Variants in COPG1 observed in about 807,000 individuals in gnomAD.
COPG1 encodes the protein coatomer subunit gamma-1.
In COPG1, 29 loss-of-function variants were observed where a neutral mutation model predicts 102.8. The observed-to-expected ratio is 0.28, with a 90% confidence interval of 0.21 to 0.38. The LOEUF is 0.38. COPG1 is among the 10% of genes least tolerant of loss of function. The pLI is 1.00. For missense variants in COPG1, 875 were observed against 1,132.7 expected, an observed-to-expected ratio of 0.77 and a Z score of 3.27; for synonymous variants, 406 against 421.6, an observed-to-expected ratio of 0.96 and a Z score of 0.45.
At chr3:129,252,756 C>G (rs1939726237) in intron 4 of COPG1, 62 bp downstream of exon 4, 1 of 1,560,744 alleles carries the variant, frequency 6.4e-7, no homozygotes. Context: ...GTGGGAGGGC[C>G]AAAGAGAGCT....
chr3:129,277,564 C>A lies in COPG1; in HGVS notation c.*140C>A. The A allele has an allele frequency of 2.5e-6, 2 of 789,144 alleles. No individual in the cohort carries two copies. The highest frequency in any genetic ancestry group is 3.8e-6 in the Non-Finnish European group (2 of 526,002). The allele number at this position is 789,144 out of a possible 1,614,324, so 48.9% of individuals were successfully genotyped here. ...GAATCATTGCAGATTTTTTTTTATT[C>A]TGCTCCCACCTCCCACCCGGGACTA... On this transcript the variant is annotated 3_prime_UTR_variant, in exon 24 of 24. Transcript: ENST00000314797.
Position 129,277,438 on chromosome 3 carries a change from A to G in COPG1, c.*14A>G. On this transcript the variant is annotated 3_prime_UTR_variant, in exon 24 of 24. Transcript: ENST00000314797. ...TCTGTGGGATAAGAGGCCAGCCTGC[A>G]TAGGACCTCATACCCTTCCCCAACA... 6.2e-7 allele frequency: 1 copy of G among 1,612,908 alleles called. No homozygotes were observed. The highest frequency in any genetic ancestry group is 8.5e-7 in the Non-Finnish European group (1 of 1,179,364).
intron 13 of COPG1, 71 bp from the exon 14 acceptor site, chr3:129,265,478 G>C (rs767780287): frequency 5.9e-5 from 92 of 1,557,174 alleles, no homozygotes; most frequent in Non-Finnish European, 7.6e-5. Flanking sequence ...AACTGTCCTT[G>C]GTCCAGCTCA....
At chr3:129,259,116 C>T (rs1334866146) in intron 10 of COPG1, among the ~76,000 whole-genome samples, 2 of 152,104 alleles carry the variant, frequency 1.3e-5, no homozygotes, top group African/African-American at 4.8e-5. Flanking sequence ...GTCAGGCAAA[C>T]AGATGGAGTT....
chr3:129,266,199 T>C (rs1005598493), intron 14 of COPG1, among the ~76,000 whole-genome samples: 1 of 152,160 alleles, frequency 6.6e-6, no homozygotes, highest in Admixed American at 6.5e-5. Flanking sequence ...CTCGATCTCT[T>C]GACCTCATCA....
intron 10 of COPG1, chr3:129,260,087 C>G (rs1399959852): frequency 9.0e-6 from 5 of 557,940 alleles, no homozygotes; most frequent in Non-Finnish European, 1.6e-5. Flanking sequence ...AGCACAGCAC[C>G]TGGCACACAG....
intron 15 of COPG1, 44 bp downstream of exon 15, chr3:129,267,143 G>A: frequency 6.8e-7 from 1 of 1,466,284 alleles, no homozygotes; most frequent in Non-Finnish European, 9.5e-7. Flanking sequence ...GTGTTCCCTT[G>A]GACCCAAGCA....
intron 21 of COPG1, chr3:129,274,181 AT>A: frequency 4.6e-6 from 2 of 436,472 alleles, no homozygotes; most frequent in Admixed American, 5.4e-5. Context: ...CCATCCAGAG[AT>A]GAAGAAAAAA....
intron 14 of COPG1, among the ~76,000 whole-genome samples, chr3:129,266,540 AT>A: frequency 6.6e-6 from 1 of 152,198 alleles, no homozygotes; most frequent in Non-Finnish European, 1.5e-5. Flanking sequence ...AAAGTTTACA[AT>A]TCAGTGAGCA....
chr3:129,259,042 G>C (rs1363205355), intron 10 of COPG1, among the ~76,000 whole-genome samples: 1 of 152,188 alleles, frequency 6.6e-6, no homozygotes, highest in Non-Finnish European at 1.5e-5. Context: ...TAGATTTGCA[G>C]GTTTTGAGAA....
Position 129,272,339 on chromosome 3 carries a change from T to A in COPG1, c.2082T>A (p.Pro694=). 1 of 1,614,152 alleles carries A rather than the reference T, an allele frequency of 6.2e-7. No individual in the cohort carries two copies. The highest frequency in any genetic ancestry group is 8.5e-7 in the Non-Finnish European group (1 of 1,179,998). ...CCTATGAGGTGCTCTGTTACGTGCCTGCCCGGAGCCTGCCCTACAACCAGC... is the reference window on the plus strand; with the variant it reads ...CCTATGAGGTGCTCTGTTACGTGCCAGCCCGGAGCCTGCCCTACAACCAGC... ...TEAYEVLCYV[P]ARSLPYNQPG... Residue 694 remains proline, a synonymous_variant, in exon 20 of 24, where the codon CCT becomes CCA. Transcript: ENST00000314797.
chr3:129,267,776 G>C (rs1031346919), intron 15 of COPG1, among the ~76,000 whole-genome samples, 161 bp from the exon 16 acceptor site: 2 of 152,174 alleles, frequency 1.3e-5, no homozygotes, highest in Non-Finnish European at 2.9e-5. Flanking sequence ...GGAACTCAGT[G>C]TTCATGAGTG....
chr3:129,255,973 C>T, intron 7 of COPG1, 95 bp from the exon 8 acceptor site: 1 of 1,038,998 alleles, frequency 9.6e-7, no homozygotes, highest in Non-Finnish European at 1.5e-6. Flanking sequence ...AGTGGCGAGC[C>T]CCTGAGCTGT....
At chr3:129,265,440 G>T in intron 13 of COPG1, 109 bp from the exon 14 acceptor site, 1 of 1,367,246 alleles carries the variant, frequency 7.3e-7, no homozygotes, top group Non-Finnish European at 1.0e-6. Flanking sequence ...AGAACCAAGT[G>T]CCCTGTCTCC....
chr3:129,276,498 ATT>A (rs1189370335), intron 23 of COPG1, among the ~76,000 whole-genome samples: 1 of 152,012 alleles, frequency 6.6e-6, no homozygotes, highest in Non-Finnish European at 1.5e-5. Flanking sequence ...AAATGGGATG[ATT>A]TTTTTTGGCT....
Position 129,252,354 on chromosome 3 carries a change from T to G in COPG1, c.164T>G (p.Ile55Arg). ...AHILTKILYL[I>R]NQGEHLGTTE... ...ATCCTCACCAAGATTCTTTATCTCA[T>G]AAACCAGGTAACAGGGTGAAGCTTG... Residue 55 changes from isoleucine (I) to arginine (R), a missense_variant, in exon 3 of 24, where the codon ATA becomes AGA. Physicochemically the swap from Ile to Arg is moderately conservative, Grantham distance 97. Coordinates refer to ENST00000314797, the MANE Select transcript of COPG1 (RefSeq NM_016128.4). 1.9e-6 allele frequency: 3 copies of G among 1,607,984 alleles called. No individual in the cohort carries two copies. Among genetic ancestry groups the G allele is most frequent in the Non-Finnish European group, 2.6e-6 (3 of 1,174,518 alleles).
At chr3:129,266,999 A>G in intron 14 of COPG1, 25 bp from the exon 15 acceptor site, 1 of 1,609,638 alleles carries the variant, frequency 6.2e-7, no homozygotes, top group South Asian at 1.1e-5. Context: ...GCATTGGGTA[A>G]ATCACATTCG....
chr3:129,277,169 C>G, intron 23 of COPG1, 125 bp from the exon 24 acceptor site: 2 of 957,638 alleles, frequency 2.1e-6, no homozygotes, highest in Admixed American at 3.9e-5. Context: ...GGGATTTCAG[C>G]CCAGCTCTCC....
chr3:129,265,994 A>G (rs1940050693), intron 14 of COPG1, among the ~76,000 whole-genome samples: 1 of 150,472 alleles, frequency 6.6e-6, no homozygotes, highest in Non-Finnish European at 1.5e-5. Flanking sequence ...TTTTTTTGAG[A>G]TGGAATCTCG....
Sources: allele counts gnomAD v4.1 joint callset (sites outside exome capture counted in the v4.1 genomes callset), GRCh38; gene constraint gnomAD v4.1.1; transcripts MANE v1.5; gene names NCBI Gene and HGNC (gene_info 2026-07-23, HGNC 2026-07-21).